Variants in PKIB observed in about 807,000 individuals in gnomAD.
PKIB encodes the protein PKI-beta.
In PKIB, 2 loss-of-function variants were observed where a neutral mutation model predicts 4.5. That is an observed-to-expected ratio of 0.44 (90% CI 0.18 to 1.39). PKIB has a LOEUF of 1.39. Among genes scored for constraint, PKIB ranks in the 40% most tolerant of loss-of-function variants. PKIB has a pLI of 0.27. For missense variants in PKIB, 94 were observed against 92.6 expected (o/e 1.02, Z -0.06); for synonymous variants, 38 against 36.0 (o/e 1.06, Z -0.20).
intron 2 of PKIB, among the ~76,000 whole-genome samples, chr6:122,650,252 C>G (rs182794132): frequency 1.4e-4 from 22 of 152,048 alleles, no homozygotes; most frequent in Admixed American, 7.2e-4. Context: ...ACCAAGTAGA[C>G]GAGTAAATGA....
rs151326741 is a variant in PKIB at position 122,522,730 on chromosome 6, G to A, written c.-248+44791G>A. 2.2e-3 allele frequency among the ~76,000 whole-genome samples: 335 copies of A among 152,160 alleles called. 8 individuals are homozygous for A. In the East Asian group the frequency reaches 0.043, roughly 20 times the overall value. ...CCCACCCTGCTTCTGCTCACCCTCC[G>A]TGGGCTGCACCCACTGTCTAACCAG... On this transcript the variant is annotated intron_variant, in intron 2 of 6. Coordinates refer to the PKIB transcript ENST00000392491.
Position 122,561,670 on chromosome 6 carries a change from C to T in PKIB, c.-247-24251C>T, listed in dbSNP as rs117960203. Among the ~76,000 whole-genome samples the T allele has an allele frequency of 2.2e-3, 336 of 151,880 alleles. 8 individuals are homozygous for T. In the East Asian group the frequency reaches 0.044, roughly 20 times the overall value. On this transcript the variant is annotated intron_variant, in intron 2 of 6. Transcript: ENST00000392491. ...AGGCCTTTTACCTTTATATATTGTC[C>T]GTCTTTGACTCTTTTAACTGCTGTT...
intron 2 of PKIB, among the ~76,000 whole-genome samples, chr6:122,665,455 C>CAA (rs986745183): frequency 9.2e-5 from 14 of 152,212 alleles, no homozygotes; most frequent in African/African-American, 3.4e-4. Flanking sequence ...AAATAGTTAG[C>CAA]AAAGAAATAT....
rs543011873 is a variant in PKIB at position 122,613,890 on chromosome 6, G to A, written c.-161+3355G>A. ...AGGTAGGAGTATCGCTTGAACCCAGGAGGCAGAGGTTGCAGTGAGCTGAGA... is the reference window on the plus strand; with the variant it reads ...AGGTAGGAGTATCGCTTGAACCCAGAAGGCAGAGGTTGCAGTGAGCTGAGA... On this transcript the variant is annotated intron_variant, in intron 1 of 4. Transcript: ENST00000368452. Among the ~76,000 whole-genome samples the A allele has an allele frequency of 2.7e-5, 4 of 149,778 alleles. No homozygotes were observed. The East Asian group carries it at 7.9e-4, about 30-fold the overall frequency.
intron 1 of PKIB, among the ~76,000 whole-genome samples, chr6:122,624,870 C>T (rs1420322661): frequency 6.6e-6 from 1 of 152,146 alleles, no homozygotes; most frequent in Non-Finnish European, 1.5e-5. Flanking sequence ...AAGGTGTCTA[C>T]TAAGGTTCAT....
At chr6:122,521,216 C>G (rs535172451) in intron 2 of PKIB, among the ~76,000 whole-genome samples, 1 of 152,302 alleles carries the variant, frequency 6.6e-6, no homozygotes, top group South Asian at 2.1e-4. Context: ...GGCCACCAAA[C>G]AGTAACCATG....
chr6:122,628,457 C>T (rs1161905992), intron 1 of PKIB, among the ~76,000 whole-genome samples: 1 of 152,184 alleles, frequency 6.6e-6, no homozygotes, highest in African/African-American at 2.4e-5. Flanking sequence ...GTCTGAATCT[C>T]TCCAGTGGGC....
intron 2 of PKIB, among the ~76,000 whole-genome samples, chr6:122,561,717 G>T (rs1478137442): frequency 1.3e-5 from 2 of 151,918 alleles, no homozygotes; most frequent in African/African-American, 4.8e-5. Flanking sequence ...TGTTTTGTCT[G>T]ATATAAGAAG....
At chr6:122,725,103 A>G (rs1210706501) in intron 4 of PKIB, 25 bp from the exon 5 acceptor site, 2 of 1,530,236 alleles carry the variant, frequency 1.3e-6, no homozygotes, top group Admixed American at 1.7e-5. Context: ...TATATTCCAC[A>G]TATGAATGGA....
chr6:122,582,285 T>A (rs575660029), intron 2 of PKIB, among the ~76,000 whole-genome samples: 1 of 152,072 alleles, frequency 6.6e-6, no homozygotes, highest in South Asian at 2.1e-4. Flanking sequence ...ACTGTGGACT[T>A]CCCTTATTTT....
In PKIB at chr6:122,540,212, C is replaced by G. The variant is rs565129337; in HGVS notation, c.-247-45709C>G. Among the ~76,000 whole-genome samples, 7 of 151,984 alleles carry G rather than the reference C, an allele frequency of 4.6e-5. No homozygotes were observed. The East Asian group carries it at 1.4e-3, about 29-fold the overall frequency. On this transcript the variant is annotated intron_variant, in intron 2 of 6. Transcript: ENST00000392491. ...CTGCTCTGATTTTACTTATTTCTTGCCTTCTGCTAGCTTTTGAATGTGTTT... is the reference window on the plus strand; with the variant it reads ...CTGCTCTGATTTTACTTATTTCTTGGCTTCTGCTAGCTTTTGAATGTGTTT...
At chr6:122,611,692 C>CA (rs891419453) in intron 1 of PKIB, among the ~76,000 whole-genome samples, 41 of 151,790 alleles carry the variant, frequency 2.7e-4, no homozygotes, top group African/African-American at 9.9e-4. Context: ...GCCACACATT[C>CA]AAAAAAAATC....
chr6:122,592,525 C>A (rs1774050870), intron 3 of PKIB, among the ~76,000 whole-genome samples: 1 of 152,130 alleles, frequency 6.6e-6, no homozygotes, highest in Non-Finnish European at 1.5e-5. Flanking sequence ...ATCAGGAACA[C>A]ATTTTCAGGA....
At chr6:122,677,842 TCTTCCTTC>T (rs66707245) in intron 3 of PKIB, among the ~76,000 whole-genome samples, 2,321 of 141,200 alleles carry the variant, frequency 0.016, 31 homozygotes, top group East Asian at 0.049. Context: ...AGCTTTCTTT[TCTTCCTTC>T]CTTCCTTCCT....
intron 3 of PKIB, among the ~76,000 whole-genome samples, chr6:122,712,853 T>A (rs1458078831): frequency 1.3e-5 from 2 of 152,116 alleles, no homozygotes; most frequent in Admixed American, 1.3e-4. Flanking sequence ...AAAATGGACC[T>A]GTTGTGGGGA....
intron 2 of PKIB, among the ~76,000 whole-genome samples, chr6:122,636,942 T>C (rs1051049525): frequency 1.3e-5 from 2 of 152,314 alleles, no homozygotes; most frequent in African/African-American, 4.8e-5. Flanking sequence ...AAAGACCACA[T>C]TTCATGTTGA....
intron 3 of PKIB, among the ~76,000 whole-genome samples, chr6:122,688,796 T>C (rs1376469318): frequency 7.1e-6 from 1 of 141,214 alleles, no homozygotes; most frequent in African/African-American, 2.5e-5. Context: ...TTTTTTTTTT[T>C]TTGAGACAGA....
At chr6:122,521,133 T>C (rs1776932168) in intron 2 of PKIB, among the ~76,000 whole-genome samples, 1 of 152,192 alleles carries the variant, frequency 6.6e-6, no homozygotes, top group African/African-American at 2.4e-5. Flanking sequence ...ATCTCATCGA[T>C]TTGCTGAGCA....
At chr6:122,720,719 G>A (rs76902923) in intron 4 of PKIB, among the ~76,000 whole-genome samples, 6 of 141,094 alleles carry the variant, frequency 4.3e-5, no homozygotes, top group Admixed American at 2.2e-4. Flanking sequence ...TTTTTTTTTT[G>A]AGACGGAGTT....
Sources: allele counts gnomAD v4.1 joint callset (sites outside exome capture counted in the v4.1 genomes callset), GRCh38; gene constraint gnomAD v4.1.1; transcripts MANE v1.5; gene names NCBI Gene and HGNC (gene_info 2026-07-23, HGNC 2026-07-21).